NAGPA: variants seen among roughly 807,000 people sequenced by gnomAD.
NAGPA encodes N-acetylglucosamine-1-phosphodiester alpha-N-acetylglucosaminidase, also known as alpha-N-acetylglucosaminyl phosphodiesterase.
NAGPA carries 56 observed loss-of-function variants against 48.5 expected under a neutral mutation model. That is an observed-to-expected ratio of 1.15 (90% confidence interval 0.93 to 1.44). The LOEUF (loss-of-function observed/expected upper bound fraction) is 1.44. NAGPA is among the 40% of genes most tolerant of loss of function. NAGPA has a pLI of 0.00. For missense variants in NAGPA, 888 were observed against 735.0 expected (o/e 1.21, Z -2.41); for synonymous variants, 399 against 315.5 (o/e 1.26, Z -2.81).
intron 2 of NAGPA, among the ~76,000 whole-genome samples, chr16:5,032,597 T>A (rs1366911735): frequency 1.3e-5 from 2 of 151,884 alleles, no homozygotes; most frequent in Admixed American, 1.3e-4. Context: ...GAGAATCGCT[T>A]GAACCCGGGA....
chr16:5,033,139 C>G lies in NAGPA; in HGVS notation c.542+134G>C, dbSNP rs1956131975. Reference sequence around the variant, plus strand: ...ATGATGAATAAACTCTGCAAGGAAGCGATTCCTATCCCCATTCTGCAGAGG... The same window carrying G: ...ATGATGAATAAACTCTGCAAGGAAGGGATTCCTATCCCCATTCTGCAGAGG... On this transcript the variant is annotated intron_variant, in intron 2 of 9. Coordinates refer to ENST00000312251, the MANE Select transcript of NAGPA (RefSeq NM_016256.4). This position sits in a 1 kb window ranked among gnomAD's most constrained non-coding sequence, Gnocchi z 4.2. 1.9e-6 allele frequency: 2 copies of G among 1,045,618 alleles called. No individual in the cohort carries two copies. Among genetic ancestry groups the G allele is most frequent in the South Asian group, 2.9e-5 (2 of 70,030 alleles). 64.8% of individuals were successfully genotyped at this position (1,045,618 alleles called of 1,614,324 possible).
chr16:5,025,578 T>G lies in NAGPA; in HGVS notation c.1448A>C (p.His483Pro). The part of the protein sequence containing the change: ...LSRAERNRRL[H>P]GDYAYHPLQE... ...CAGCGGGTGGTATGCATAGTCCCCA[T>G]GCAGGCGCCGGTTCCTCTCTGCTCT... The change falls in exon 10 of 10, where the codon CAT (histidine) becomes CCT (proline). Residue 483 changes from histidine to proline, a missense_variant. By Grantham distance (77) the His-to-Pro change is moderately conservative (BLOSUM62 -2). Coordinates refer to ENST00000312251, the MANE Select transcript of NAGPA (RefSeq NM_016256.4). The G allele has an allele frequency of 4.3e-6, 7 of 1,613,848 alleles. No individual in the cohort carries two copies. The highest frequency in any genetic ancestry group is 1.1e-5 in the South Asian group (1 of 91,068).
intron 4 of NAGPA, 200 bp downstream of exon 4, chr16:5,030,185 C>T (rs1469678008): frequency 1.6e-6 from 1 of 622,860 alleles, no homozygotes. Context: ...AGGCCTAAAG[C>T]TGAAGATGAT....
chr16:5,031,531 C>G, intron 3 of NAGPA: 1 of 641,018 alleles, frequency 1.6e-6, no homozygotes, highest in Non-Finnish European at 2.7e-6. Flanking sequence ...TGTTTCTGAG[C>G]ACTTATCAAT....
At position 5,028,090 on chromosome 16, in the gene NAGPA, G is replaced by C; in HGVS notation, c.1016C>G (p.Thr339Ser). The C allele has an allele frequency of 6.2e-7, 1 of 1,613,184 alleles. No homozygotes were observed. Among genetic ancestry groups the C allele is most frequent in the East Asian group, 2.2e-5 (1 of 44,852 alleles). ...GCATTGGCAGTGCCCGTCCACGCAG[G>C]TCCCGTGGCCGTGGCAGTCAGGCGG... ...CQPPDCHGHG[T>S]CVDGHCQCTG... Residue 339 changes from threonine to serine, a missense_variant, in exon 6 of 10, where the codon ACC (threonine) becomes AGC (serine). By Grantham distance (58) the Thr-to-Ser change is moderately conservative. Transcript: ENST00000312251.
chr16:5,027,410 G>A (rs2142557099), intron 7 of NAGPA, 31 bp from the exon 8 acceptor site: 2 of 1,204,476 alleles, frequency 1.7e-6, no homozygotes, highest in Middle Eastern at 5.0e-4. Flanking sequence ...GAGGGAGGAG[G>A]GAGGAGAAAG....
intron 9 of NAGPA, 64 bp downstream of exon 9, chr16:5,027,071 G>C: frequency 6.3e-7 from 1 of 1,586,062 alleles, no homozygotes; most frequent in Non-Finnish European, 8.6e-7. Flanking sequence ...CCTCACAGGG[G>C]AAGGGTGCGG....
Position 5,031,713 on chromosome 16 carries a change from G to C in NAGPA, c.682+32C>G, listed in dbSNP as rs376366116. The C allele has an allele frequency of 9.3e-6, 15 of 1,613,990 alleles. No homozygotes were observed. In the African/African-American group the frequency reaches 1.2e-4, roughly 13 times the overall value. ...CCAGCCCACTGGTCCTGGTTCTCGA[G>C]AGGGTTGTTGCCAACAGCCTCCCCA... On this transcript the variant is annotated intron_variant, in intron 3 of 9. Transcript: ENST00000312251.
At chr16:5,031,921 A>T in intron 2 of NAGPA, 37 bp from the exon 3 acceptor site, 1 of 1,613,864 alleles carries the variant, frequency 6.2e-7, no homozygotes, top group South Asian at 1.1e-5. Context: ...ACTCACCAGC[A>T]GGGGCAACTG....
chr16:5,025,942 T>C (rs1955992487), intron 9 of NAGPA, among the ~76,000 whole-genome samples: 2 of 151,830 alleles, frequency 1.3e-5, no homozygotes, highest in Non-Finnish European at 1.5e-5. Context: ...TTTTTTTTTT[T>C]TTTTGAGACA....
intron 3 of NAGPA, 73 bp from the exon 4 acceptor site, chr16:5,030,566 A>C: frequency 8.0e-7 from 1 of 1,251,576 alleles, no homozygotes; most frequent in Non-Finnish European, 1.1e-6. Flanking sequence ...TCCACTTCCC[A>C]CTGGTCTGAG....
At chr16:5,032,988 T>C in intron 2 of NAGPA, 1 of 559,172 alleles carries the variant, frequency 1.8e-6, no homozygotes, top group Non-Finnish European at 3.2e-6. Flanking sequence ...GTTAGCTATT[T>C]ACCCGGCTTT....
At position 5,025,363 on chromosome 16, in the gene NAGPA, C is replaced by A; in HGVS notation, c.*115G>T. 1 of 1,311,322 alleles carries A rather than the reference C, an allele frequency of 7.6e-7. No individual in the cohort carries two copies. The allele number at this position is 1,311,322 out of a possible 1,614,324, so 81.2% of individuals were successfully genotyped here. On this transcript the variant is annotated 3_prime_UTR_variant, in exon 10 of 10. Transcript: ENST00000312251. ...TGCTATCAGGAACTTGGCTGCCCCA[C>A]AGGGGCTGAGGACACCCAGATGGTC...
chr16:5,026,879 C>A (rs1956010070), intron 9 of NAGPA, among the ~76,000 whole-genome samples: 1 of 152,168 alleles, frequency 6.6e-6, no homozygotes, highest in Non-Finnish European at 1.5e-5. Context: ...CCTCCTGCCC[C>A]CACCCTGGGA....
At chr16:5,028,768 C>G in intron 5 of NAGPA, 112 bp downstream of exon 5, 3 of 1,562,668 alleles carry the variant, frequency 1.9e-6, no homozygotes, top group Middle Eastern at 1.7e-4. Context: ...AATTTCTGCT[C>G]TCTTGAACCC....
chr16:5,027,700 C>G, intron 7 of NAGPA, 146 bp downstream of exon 7: 1 of 1,251,906 alleles, frequency 8.0e-7, no homozygotes, highest in South Asian at 1.3e-5. Flanking sequence ...AGGGGAGTCA[C>G]ACAGTGATGT....
Position 5,024,891 on chromosome 16 carries a change from A to C in NAGPA, c.*587T>G, listed in dbSNP as rs575808525. On this transcript the variant is annotated 3_prime_UTR_variant, in exon 10 of 10. Transcript: ENST00000312251. ...GTGGCTCCTTTTATTATATCAATTT[A>C]TTCAAGTGATTAAAAAACTTCTTGG... The C allele has an allele frequency of 6.4e-6, 1 of 157,166 alleles. No individual in the cohort carries two copies. Among genetic ancestry groups the C allele is most frequent in the East Asian group, 1.9e-4 (1 of 5,334 alleles). 9.7% of individuals were successfully genotyped at this position (157,166 alleles called of 1,614,324 possible). A position where few individuals can be genotyped will look rare whatever the true frequency, so the allele number is the denominator to read the frequency against.
At chr16:5,026,880 C>T (rs993961614) in intron 9 of NAGPA, among the ~76,000 whole-genome samples, 3 of 152,210 alleles carry the variant, frequency 2.0e-5, no homozygotes, top group Non-Finnish European at 4.4e-5. Context: ...CTCCTGCCCC[C>T]ACCCTGGGAT....
In NAGPA at chr16:5,033,882, G is replaced by A. The variant is rs577968497; in HGVS notation, c.33C>T (p.Leu11=). ...AGAGGAAGCCGAATAGTGCAAGCCG[G>A]AGGAGAAGCCAGCGACCCGTGGAGG... MATSTGRWLL[L]RLALFGFLWE... is the part of the protein sequence containing the mutation. The change falls in exon 1 of 10, where the codon CTC becomes CTT. Residue 11 remains leucine, a synonymous_variant. Coordinates refer to ENST00000312251, the MANE Select transcript of NAGPA (RefSeq NM_016256.4). The surrounding 1 kb of genome is among the most constrained non-coding windows in gnomAD (Gnocchi z 4.2). The A allele has an allele frequency of 4.5e-6, 7 of 1,549,332 alleles. No homozygotes were observed. In the South Asian group the frequency reaches 7.1e-5, roughly 16 times the overall value.
Sources: gnomAD v4.1 joint callset for allele counts (sites outside exome capture counted in the v4.1 genomes callset) on GRCh38, gnomAD v4.1.1 for gene constraint, Gnocchi (gnomAD v3.1) non-coding constraint, MANE v1.5 for transcripts, NCBI Gene and HGNC (gene_info 2026-07-23, HGNC 2026-07-21) for gene names.